The following KCNH8 variants were observed in gnomAD, a reference collection of about 807,000 sequenced individuals.
KCNH8 encodes the protein potassium voltage-gated channel subfamily H member 8, also known as voltage-gated delayed rectifier potassium channel KCNH8.
In KCNH8, 70 loss-of-function variants were observed where a neutral mutation model predicts 103.6. That is an observed-to-expected ratio of 0.68 (90% CI 0.56 to 0.82). KCNH8 has a LOEUF of 0.82. KCNH8 is among the 40% of genes least tolerant of loss of function. KCNH8 has a pLI of 0.00. For synonymous variants in KCNH8, 498 were observed against 489.4 expected (o/e 1.02, Z -0.23); for missense variants, 1,217 against 1,329.9 (o/e 0.92, Z 1.32).
intron 7 of KCNH8, among the ~76,000 whole-genome samples, chr3:19,409,113 C>A (rs2066737483): frequency 6.6e-6 from 1 of 151,896 alleles, no homozygotes; most frequent in Non-Finnish European, 1.5e-5. Context: ...TTAAAGGCAG[C>A]TAGAGGAAAA....
At chr3:19,167,481 T>C (rs1431931860) in intron 1 of KCNH8, among the ~76,000 whole-genome samples, 1 of 152,238 alleles carries the variant, frequency 6.6e-6, no homozygotes, top group East Asian at 1.9e-4. Context: ...AGATTATCTA[T>C]TGAATCATAT....
At chr3:19,242,722 A>G (rs1288357530) in intron 1 of KCNH8, among the ~76,000 whole-genome samples, 1 of 152,170 alleles carries the variant, frequency 6.6e-6, no homozygotes, top group African/African-American at 2.4e-5. Flanking sequence ...AATCTTGTTT[A>G]AAATGAAGGT....
chr3:19,395,659 G>T (rs2125134474), intron 7 of KCNH8, among the ~76,000 whole-genome samples: 1 of 152,030 alleles, frequency 6.6e-6, no homozygotes, highest in Non-Finnish European at 1.5e-5. Context: ...ACTGGCCTAT[G>T]GTCTATCACT....
At chr3:19,259,684 T>G (rs1049074144) in intron 2 of KCNH8, among the ~76,000 whole-genome samples, 1 of 151,728 alleles carries the variant, frequency 6.6e-6, no homozygotes. Flanking sequence ...GCCCAATTCT[T>G]TTTAATATGT....
chr3:19,239,677 T>TCTATCTATCTAC (rs1553627712), intron 1 of KCNH8, among the ~76,000 whole-genome samples: 12 of 145,700 alleles, frequency 8.2e-5, no homozygotes, highest in Non-Finnish European at 1.8e-4. Flanking sequence ...TATCTATCTA[T>TCTATCTATCTAC]CTATCTACCT....
intron 3 of KCNH8, among the ~76,000 whole-genome samples, chr3:19,290,278 C>G (rs1478384951): frequency 6.6e-6 from 1 of 152,100 alleles, no homozygotes; most frequent in Non-Finnish European, 1.5e-5. Flanking sequence ...ACTTCCAACA[C>G]TATGTTGAAT....
intron 3 of KCNH8, among the ~76,000 whole-genome samples, chr3:19,318,128 T>C (rs1235507602): frequency 6.6e-6 from 1 of 151,864 alleles, no homozygotes; most frequent in African/African-American, 2.4e-5. Context: ...TTCAGCAAAA[T>C]CTGAGGATAC....
intron 11 of KCNH8, among the ~76,000 whole-genome samples, chr3:19,459,569 A>G (rs2067589071): frequency 6.6e-6 from 1 of 151,922 alleles, no homozygotes; most frequent in Admixed American, 6.6e-5. Context: ...GATTCTGTTG[A>G]TTGTTCCTTT....
intron 10 of KCNH8, among the ~76,000 whole-genome samples, chr3:19,453,467 A>C (rs2067480676): frequency 6.6e-6 from 1 of 152,200 alleles, no homozygotes. Flanking sequence ...ACTAATATGT[A>C]TTGAATCCCT....
In KCNH8 at chr3:19,495,742, A is replaced by C. The variant is rs372646458; in HGVS notation, c.2041-14621A>C. On this transcript the variant is annotated intron_variant, in intron 11 of 15. Transcript: ENST00000328405. ...TTTTTTTTTTTAAATTGCATGAAGA[A>C]TGTCACTGGCAGTTTCATAGGCATA... is the stretch of plus-strand genomic sequence containing the variant. Among the ~76,000 whole-genome samples the C allele has an allele frequency of 8.5e-5, 13 of 152,084 alleles. No individual in the cohort carries two copies. The East Asian group carries it at 1.9e-3, about 23-fold the overall frequency.
intron 15 of KCNH8, among the ~76,000 whole-genome samples, chr3:19,529,587 T>A (rs1216663645): frequency 1.3e-5 from 2 of 152,198 alleles, no homozygotes; most frequent in Non-Finnish European, 2.9e-5. Flanking sequence ...AGGTCCTTCC[T>A]GTTTTAGAAT....
At chr3:19,342,288 T>TG (rs2065670720) in intron 3 of KCNH8, among the ~76,000 whole-genome samples, 1 of 152,098 alleles carries the variant, frequency 6.6e-6, no homozygotes, top group Non-Finnish European at 1.5e-5. Flanking sequence ...GGGATTTCAG[T>TG]GTAGAATAGC....
At chr3:19,401,664 C>T (rs2066615024) in intron 7 of KCNH8, among the ~76,000 whole-genome samples, 1 of 151,780 alleles carries the variant, frequency 6.6e-6, no homozygotes, top group Non-Finnish European at 1.5e-5. Context: ...TTTAAAGACT[C>T]AATTTTTTTA....
intron 1 of KCNH8, among the ~76,000 whole-genome samples, chr3:19,180,368 T>G (rs2063439985): frequency 6.6e-6 from 1 of 152,058 alleles, no homozygotes; most frequent in South Asian, 2.1e-4. Flanking sequence ...GACATGCTTC[T>G]TGTTGAAACA....
intron 5 of KCNH8, among the ~76,000 whole-genome samples, chr3:19,368,638 T>C (rs2066045025): frequency 6.6e-6 from 1 of 152,032 alleles, no homozygotes; most frequent in Non-Finnish European, 1.5e-5. Flanking sequence ...ATAAAGATTA[T>C]ATACTTAGAA....
Position 19,432,991 on chromosome 3 carries a change from T to G in KCNH8, c.1178-5173T>G, listed in dbSNP as rs142780886. On this transcript the variant is annotated intron_variant, in intron 7 of 15. Coordinates refer to ENST00000328405, the MANE Select transcript of KCNH8 (RefSeq NM_144633.3). ...TCAGATTGTTTAGGGTTTTTTTGTT[T>G]GCTTGTCTTTTGTTTTTTTTGGGGG... Among the ~76,000 whole-genome samples, 430 of 152,242 alleles carry G rather than the reference T, an allele frequency of 2.8e-3. 4 individuals carry two copies. Among genetic ancestry groups the G allele is most frequent in the African/African-American group, 0.01 (418 of 41,572 alleles).
chr3:19,180,235 G>GTTCAAAGGGCCAAGACAGACTTGGCCC lies in KCNH8; in HGVS notation c.76+31484_76+31510dup, dbSNP rs60778482. On this transcript the variant is annotated intron_variant, in intron 1 of 15. Coordinates refer to ENST00000328405, the MANE Select transcript of KCNH8 (RefSeq NM_144633.3). ...AGGCGATCTGGCATGACCTACATTT[G>GTTCAAAGGGCCAAGACAGACTTGGCCC]TTCAAAGGGCCAAGACAGACTTGGC... is the stretch of plus-strand genomic sequence containing the variant. Among the ~76,000 whole-genome samples, 1,365 of 149,484 alleles carry GTTCAAAGGGCCAAGACAGACTTGGCCC rather than the reference G, an allele frequency of 9.1e-3. 15 individuals carry two copies. The highest frequency in any genetic ancestry group is 0.017 in the East Asian group (83 of 4,926).
At chr3:19,203,163 G>GC (rs1330283809) in intron 1 of KCNH8, among the ~76,000 whole-genome samples, 4 of 151,968 alleles carry the variant, frequency 2.6e-5, no homozygotes, top group African/African-American at 7.2e-5. Context: ...AATAATGAGA[G>GC]CCCCCCTTGT....
intron 5 of KCNH8, among the ~76,000 whole-genome samples, chr3:19,377,035 A>C (rs2066218213): frequency 6.6e-6 from 1 of 152,244 alleles, no homozygotes; most frequent in African/African-American, 2.4e-5. Flanking sequence ...ATTGTGTATA[A>C]GTTGTCAATA....
Sources: allele counts gnomAD v4.1 joint callset (sites outside exome capture counted in the v4.1 genomes callset), GRCh38; gene constraint gnomAD v4.1.1; transcripts MANE v1.5; gene names NCBI Gene and HGNC (gene_info 2026-07-23, HGNC 2026-07-21).